The following LAMB4 variants were observed in gnomAD, a reference collection of about 807,000 sequenced individuals.
LAMB4 encodes laminin subunit beta-4.
Under a neutral mutation model 199.2 loss-of-function variants are expected in LAMB4, and 196 were observed. That is an observed-to-expected ratio of 0.98 (90% CI 0.88 to 1.11). LAMB4 has a LOEUF of 1.11. Ranked by LOEUF, LAMB4 falls within the 50% of genes least tolerant of loss-of-function variation. The probability of loss-of-function intolerance (pLI) is 0.00; values close to 1 mark genes in which losing one functional copy is unlikely to be tolerated. For synonymous variants in LAMB4, 744 were observed against 770.6 expected (o/e 0.97, Z 0.57); for missense variants, 2,080 against 2,171.2 (o/e 0.96, Z 0.83).
chr7:108,026,276 C>T (rs867749717), intron 33 of LAMB4, among the ~76,000 whole-genome samples: 1 of 152,188 alleles, frequency 6.6e-6, no homozygotes, highest in East Asian at 1.9e-4. Flanking sequence ...CCCACGCCCC[C>T]GAATCTGGAC....
chr7:108,081,582 T>C (rs2150582852), intron 14 of LAMB4, among the ~76,000 whole-genome samples: 1 of 152,358 alleles, frequency 6.6e-6, no homozygotes, highest in African/African-American at 2.4e-5. Flanking sequence ...ACATAATTAA[T>C]GCCAGACAGT....
rs546007312 is a variant in LAMB4, at chr7:108,064,082, T to C, written c.2837-97A>G. On this transcript the variant is annotated intron_variant, in intron 21 of 33. Coordinates refer to ENST00000388781, the MANE Select transcript of LAMB4 (RefSeq NM_007356.3). ...TAAATAGAAAATTATTGGGCTCCTC[T>C]AGGAATAATGAGAAATCACACATTC... is the stretch of plus-strand genomic sequence containing the variant. 626 of 849,032 alleles carry C rather than the reference T, an allele frequency of 7.4e-4. 3 individuals carry two copies. The Middle Eastern group carries it at 9.1e-3, about 12-fold the overall frequency. 52.6% of individuals were successfully genotyped at this position (849,032 alleles called of 1,614,324 possible).
intron 14 of LAMB4, among the ~76,000 whole-genome samples, chr7:108,080,153 C>A (rs2036874535): frequency 1.3e-5 from 2 of 152,124 alleles, no homozygotes. Flanking sequence ...TATTCCCATG[C>A]CCACTTTACA....
At chr7:108,081,016 G>C (rs1159535372) in intron 14 of LAMB4, among the ~76,000 whole-genome samples, 3 of 152,116 alleles carry the variant, frequency 2.0e-5, no homozygotes, top group Non-Finnish European at 4.4e-5. Flanking sequence ...CAGCTACTTG[G>C]AAGGCTAAGA....
At chr7:108,073,800 T>G (rs894691859) in intron 17 of LAMB4, among the ~76,000 whole-genome samples, 2 of 152,220 alleles carry the variant, frequency 1.3e-5, no homozygotes, top group Admixed American at 1.3e-4. Context: ...CAGTGCACAC[T>G]GTAGTTGCCC....
At chr7:108,030,725 C>A in intron 32 of LAMB4, 81 bp downstream of exon 32, 1 of 1,344,636 alleles carries the variant, frequency 7.4e-7, no homozygotes. Context: ...TGAGAAATGG[C>A]ACAAAAATCT....
At chr7:108,032,618 A>G (rs940802062) in intron 31 of LAMB4, among the ~76,000 whole-genome samples, 13 of 151,924 alleles carry the variant, frequency 8.6e-5, no homozygotes, top group Admixed American at 3.9e-4. Context: ...TAGAGCCACA[A>G]TCGCGGTTAG....
intron 29 of LAMB4, among the ~76,000 whole-genome samples, chr7:108,041,483 A>G (rs2035420146): frequency 6.6e-6 from 1 of 152,208 alleles, no homozygotes; most frequent in South Asian, 2.1e-4. Flanking sequence ...GAGCAAAGAC[A>G]TGGAATCAAC....
downstream of LAMB4, among the ~76,000 whole-genome samples, chr7:108,020,793 G>A (rs2034676558): frequency 6.6e-6 from 1 of 152,184 alleles, no homozygotes; most frequent in African/African-American, 2.4e-5. Flanking sequence ...CTCTAAGGAA[G>A]TGTGTTTTTA....
intron 28 of LAMB4, among the ~76,000 whole-genome samples, chr7:108,045,806 C>T (rs1442783008): frequency 1.3e-5 from 2 of 152,106 alleles, no homozygotes; most frequent in Non-Finnish European, 2.9e-5. Context: ...TGAAGAACGA[C>T]ATGTGAATGG....
rs200506280 is a variant in LAMB4, at chr7:108,034,214, C to G, written c.4812G>C (p.Val1604=). The G allele has an allele frequency of 6.2e-7, 1 of 1,613,976 alleles. No individual in the cohort carries two copies. Among genetic ancestry groups the G allele is most frequent in the Non-Finnish European group, 8.5e-7 (1 of 1,179,944 alleles). ...TANITKIKKN[V]LQAENQTREM... ...TTTCAAAGAAGACAAATACCTGCAG[C>G]ACATTCTTTTTTATTTTTGTTATAT... The change falls in exon 31 of 34, where the codon GTG becomes GTC. Residue 1604 remains valine, a synonymous_variant. Transcript: ENST00000388781.
At chr7:108,072,206 G>A (rs559719573) in intron 17 of LAMB4, among the ~76,000 whole-genome samples, 1 of 152,230 alleles carries the variant, frequency 6.6e-6, no homozygotes, top group Admixed American at 6.5e-5. Flanking sequence ...TGAGTCGAGA[G>A]CCTAACTCTA....
rs1253614453 is a variant in LAMB4, at chr7:108,031,569, AT to A, written c.4819-591del. Reference sequence around the variant, plus strand: ...CTGTCATTCCATGTATCTCTATAGCATTTTTTCTACAACCTATGCAGTATTC... The same window carrying A: ...CTGTCATTCCATGTATCTCTATAGCATTTTTCTACAACCTATGCAGTATTC... On this transcript the variant is annotated intron_variant, in intron 31 of 33. Coordinates refer to ENST00000388781, the MANE Select transcript of LAMB4 (RefSeq NM_007356.3). Among the ~76,000 whole-genome samples the A allele has an allele frequency of 3.3e-5, 5 of 151,932 alleles. No homozygotes were observed. The South Asian group carries it at 1.0e-3, about 32-fold the overall frequency.
chr7:108,082,001 G>A (rs963109889), intron 14 of LAMB4, among the ~76,000 whole-genome samples: 1 of 152,204 alleles, frequency 6.6e-6, no homozygotes, highest in African/African-American at 2.4e-5. Context: ...AGGGCAAGAA[G>A]AGCTGAATAT....
chr7:108,027,504 T>C (rs563450114), intron 33 of LAMB4, among the ~76,000 whole-genome samples: 2 of 152,268 alleles, frequency 1.3e-5, no homozygotes, highest in South Asian at 4.1e-4. Flanking sequence ...GTCATAGTAA[T>C]GATATAAGTG....
chr7:108,066,743 T>C (rs559917262), intron 19 of LAMB4, 143 bp from the exon 20 acceptor site: 23 of 592,008 alleles, frequency 3.9e-5, no homozygotes, highest in African/African-American at 3.1e-4. Context: ...CAGCATATAA[T>C]GAGTTCCAGG....
chr7:108,054,290 C>T (rs533509861), intron 25 of LAMB4, among the ~76,000 whole-genome samples: 1 of 152,240 alleles, frequency 6.6e-6, no homozygotes, highest in African/African-American at 2.4e-5. Flanking sequence ...CCAGCTTGAC[C>T]CTGGCTGGCC....
chr7:108,024,051 C>T lies in LAMB4; in HGVS notation c.5274G>A (p.Arg1758=), dbSNP rs1239201208. 6.8e-6 allele frequency: 11 copies of T among 1,608,662 alleles called. No homozygotes were observed. In the Admixed American group the frequency reaches 1.7e-4, roughly 25 times the overall value. The change falls in exon 34 of 34, where the codon AGG becomes AGA. Residue 1758 remains arginine, a synonymous_variant. Coordinates refer to ENST00000388781, the MANE Select transcript of LAMB4 (RefSeq NM_007356.3). ...TCTTTAACTCTGCCTAGCTATAGCA[C>T]CTAGCATATTTTTTTTCTTGTTCAA... ...EIVEQEKKYA[R]CYS
intron 1 of LAMB4, among the ~76,000 whole-genome samples, chr7:108,126,857 C>A (rs1241821597): frequency 5.9e-5 from 9 of 152,056 alleles, no homozygotes; most frequent in Admixed American, 5.9e-4. Context: ...CGTGAGCCAC[C>A]GCGCCCGGCC....
Sources: gnomAD v4.1 joint callset for allele counts (sites outside exome capture counted in the v4.1 genomes callset) on GRCh38, gnomAD v4.1.1 for gene constraint, MANE v1.5 for transcripts, NCBI Gene and HGNC (gene_info 2026-07-23, HGNC 2026-07-21) for gene names.